Variants in FGD5 observed in about 807,000 individuals in gnomAD.
FGD5 encodes FYVE, RhoGEF and PH domain-containing protein 5.
A neutral mutation model predicts 133.4 loss-of-function variants in FGD5; 28 were observed. That is an observed-to-expected ratio of 0.21 (90% CI 0.16 to 0.29). The LOEUF is 0.29. Ranked by LOEUF, FGD5 falls within the 10% of genes least tolerant of loss-of-function variation. The pLI, the probability that FGD5 is intolerant of heterozygous loss-of-function variation, is 1.00. For synonymous variants in FGD5, 810 were observed against 776.5 expected, an observed-to-expected ratio of 1.04 and a Z score of -0.72; for missense variants, 1,858 against 1,895.2, an observed-to-expected ratio of 0.98 and a Z score of 0.36.
chr3:14,893,733 T>C (rs749085741), intron 4 of FGD5, among the ~76,000 whole-genome samples: 2 of 148,586 alleles, frequency 1.3e-5, no homozygotes, highest in Non-Finnish European at 1.5e-5. Flanking sequence ...CTTATTTCTT[T>C]TTCTTTCTTT....
At chr3:14,843,135 T>G (rs1445185447) in intron 1 of FGD5, among the ~76,000 whole-genome samples, 1 of 152,226 alleles carries the variant, frequency 6.6e-6, no homozygotes, top group Non-Finnish European at 1.5e-5. Flanking sequence ...TTTCTCATGT[T>G]TGACATTTTG....
chr3:14,932,858 A>G, intron 19 of FGD5, 127 bp downstream of exon 19: 1 of 1,068,806 alleles, frequency 9.4e-7, no homozygotes, highest in Non-Finnish European at 1.4e-6. Context: ...GGGCCATAGC[A>G]GAACTGCAGA....
rs2038940683 is a variant in FGD5, at chr3:14,933,973, C to T, written c.*806C>T. The stretch of plus-strand genomic sequence containing the variant: ...ATGCAGCCACTGGCAGATCTGGCCC[C>T]CCAGACGTCACCGCAGGGCCTCTGA... On this transcript the variant is annotated 3_prime_UTR_variant, in exon 20 of 20. Transcript: ENST00000285046. 6.6e-6 allele frequency: 1 copy of T among 152,304 alleles called. No homozygotes were observed. The highest frequency in any genetic ancestry group is 1.5e-5 in the Non-Finnish European group (1 of 68,092). The allele number at this position is 152,304 out of a possible 1,614,324, so 9.4% of individuals were successfully genotyped here. A position where few individuals can be genotyped will look rare whatever the true frequency, so the allele number is the denominator to read the frequency against.
intron 1 of FGD5, among the ~76,000 whole-genome samples, chr3:14,850,575 G>A (rs1289738145): frequency 1.3e-5 from 2 of 152,150 alleles, no homozygotes; most frequent in Non-Finnish European, 2.9e-5. Flanking sequence ...GGGGAAACTG[G>A]GATAGGACAG....
intron 2 of FGD5, among the ~76,000 whole-genome samples, chr3:14,877,158 A>T (rs899756012): frequency 7.2e-5 from 11 of 152,236 alleles, no homozygotes; most frequent in Non-Finnish European, 1.5e-4. Context: ...TCAGCCTCGG[A>T]GTTCATTTCC....
At chr3:14,878,105 G>A (rs1204233106) in intron 2 of FGD5, among the ~76,000 whole-genome samples, 2 of 152,178 alleles carry the variant, frequency 1.3e-5, no homozygotes, top group Admixed American at 6.5e-5. Context: ...AAATACAAAT[G>A]AAAAGATCTG....
chr3:14,838,777 C>G (rs1158920876), intron 1 of FGD5, among the ~76,000 whole-genome samples: 1 of 152,150 alleles, frequency 6.6e-6, no homozygotes, highest in African/African-American at 2.4e-5. Flanking sequence ...ACTTCCAGTC[C>G]AAACAGGGAG....
chr3:14,819,624 G>C lies in FGD5; in HGVS notation c.553G>C (p.Ala185Pro), dbSNP rs566362125. 1 of 1,551,226 alleles carries C rather than the reference G, an allele frequency of 6.4e-7. No homozygotes were observed. Among genetic ancestry groups the C allele is most frequent in the Admixed American group, 2.0e-5 (1 of 50,982 alleles). Residue 185 changes from alanine to proline, a missense_variant, in exon 1 of 20, where the codon GCT becomes CCT. Transcript: ENST00000285046. The surrounding 1 kb of genome is among the most constrained non-coding windows in gnomAD (Gnocchi z 4.1). ...CAGCCTGGAGGACAGTGGGCCTTGG[G>C]CTGGAGAGGGGGTCTTCCAGAGCGA... is the stretch of plus-strand genomic sequence containing the variant. The part of the protein sequence containing the change: ...ECSLEDSGPW[A>P]GEGVFQSDLL...
chr3:14,819,899 G>A lies in FGD5; in HGVS notation c.828G>A (p.Glu276=). The A allele has an allele frequency of 6.2e-7, 1 of 1,613,700 alleles. No homozygotes were observed. Among genetic ancestry groups the A allele is most frequent in the East Asian group, 2.2e-5 (1 of 44,872 alleles). ...CCACAGACTGCCCTGAAGTTCTTGA[G>A]GAGGGATGTGAAGAGGCCACGGGTG... The part of the protein sequence containing the change: ...ETATDCPEVL[E]EGCEEATGVT... Residue 276 remains glutamate (E), a synonymous_variant, in exon 1 of 20, where the codon GAG becomes GAA. Coordinates refer to ENST00000285046, the MANE Select transcript of FGD5 (RefSeq NM_152536.4). The surrounding 1 kb of genome is among the most constrained non-coding windows in gnomAD (Gnocchi z 4.1).
Position 14,819,332 on chromosome 3 carries a change from A to G in FGD5, c.261A>G (p.Lys87=). Residue 87 remains lysine, a synonymous_variant, in exon 1 of 20, where the codon AAA becomes AAG. Coordinates refer to ENST00000285046, the MANE Select transcript of FGD5 (RefSeq NM_152536.4). This position sits in a 1 kb window ranked among gnomAD's most constrained non-coding sequence, Gnocchi z 4.1. The part of the protein sequence containing the change: ...EPKDEGSVGN[K]ALVSPESSAE... ...AGGACGAGGGCAGTGTGGGGAACAAAGCCCTGGTGTCTCCCGAGTCCTCTG... is the reference window on the plus strand; with the variant it reads ...AGGACGAGGGCAGTGTGGGGAACAAGGCCCTGGTGTCTCCCGAGTCCTCTG... 6.5e-7 allele frequency: 1 copy of G among 1,543,098 alleles called. No homozygotes were observed. The highest frequency in any genetic ancestry group is 8.8e-7 in the Non-Finnish European group (1 of 1,142,854).
At chr3:14,857,298 T>C (rs1005807310) in intron 1 of FGD5, among the ~76,000 whole-genome samples, 3 of 152,048 alleles carry the variant, frequency 2.0e-5, no homozygotes. Context: ...CTAATAGCTA[T>C]AGGGATGAGC....
Position 14,819,530 on chromosome 3 carries a change from G to A in FGD5, c.459G>A (p.Glu153=). 3.2e-6 allele frequency: 5 copies of A among 1,551,500 alleles called. No individual in the cohort carries two copies. Among genetic ancestry groups the A allele is most frequent in the Non-Finnish European group, 4.4e-6 (5 of 1,146,986 alleles). The change falls in exon 1 of 20, where the codon GAG becomes GAA. Residue 153 remains glutamate, a synonymous_variant. Coordinates refer to ENST00000285046, the MANE Select transcript of FGD5 (RefSeq NM_152536.4). The surrounding 1 kb of genome is among the most constrained non-coding windows in gnomAD (Gnocchi z 4.1). The part of the protein sequence containing the change: ...LEDEGEGCAD[E]PGTLEQVSRS... ...ATGAAGGGGAGGGCTGCGCTGATGA[G>A]CCAGGGACACTGGAGCAGGTGTCCA...
intron 2 of FGD5, among the ~76,000 whole-genome samples, chr3:14,865,955 T>G (rs2037485832): frequency 6.6e-6 from 1 of 152,158 alleles, no homozygotes; most frequent in South Asian, 2.1e-4. Flanking sequence ...GGTCATGGAA[T>G]CTGGGAGCAG....
chr3:14,867,403 A>G (rs1317675993), intron 2 of FGD5, among the ~76,000 whole-genome samples: 1 of 152,220 alleles, frequency 6.6e-6, no homozygotes, highest in Non-Finnish European at 1.5e-5. Flanking sequence ...TCACTGCAGT[A>G]TTCTTACAGT....
At chr3:14,830,160 A>G (rs2125076340) in intron 1 of FGD5, among the ~76,000 whole-genome samples, 1 of 152,316 alleles carries the variant, frequency 6.6e-6, no homozygotes, top group East Asian at 1.9e-4. Context: ...GTTTTTGACA[A>G]ATGAACTCAT....
rs1347624059 is a variant in FGD5 at position 14,924,122 on chromosome 3, C to T, written c.4052C>T (p.Pro1351Leu). The change falls in exon 17 of 20, where the codon CCT becomes CTT. Residue 1351 changes from proline to leucine, a missense_variant. Physicochemically the swap from Pro to Leu is moderately conservative, Grantham distance 98. Coordinates refer to ENST00000285046, the MANE Select transcript of FGD5 (RefSeq NM_152536.4). ...ACCTTCAAGAAGCAGAAGAAAGTCCCTTCAGCCCTGACAGAGGTAAAGCAG... is the reference window on the plus strand; with the variant it reads ...ACCTTCAAGAAGCAGAAGAAAGTCCTTTCAGCCCTGACAGAGGTAAAGCAG... ...PSTFKKQKKV[P>L]SALTEVAASG... The T allele has an allele frequency of 6.2e-7, 1 of 1,613,824 alleles. No homozygotes were observed. The highest frequency in any genetic ancestry group is 8.5e-7 in the Non-Finnish European group (1 of 1,179,886).
chr3:14,870,520 C>G (rs563906851), intron 2 of FGD5, among the ~76,000 whole-genome samples: 3 of 152,228 alleles, frequency 2.0e-5, no homozygotes, highest in Non-Finnish European at 4.4e-5. Context: ...ATCCTCTTCC[C>G]TGGGCTTGCC....
At chr3:14,880,951 C>G (rs966971363) in intron 4 of FGD5, among the ~76,000 whole-genome samples, 179 bp downstream of exon 4, 3 of 152,182 alleles carry the variant, frequency 2.0e-5, no homozygotes, top group Non-Finnish European at 4.4e-5. Flanking sequence ...CTTCCGGGGG[C>G]AGACAGCGGA....
In FGD5 at chr3:14,918,965, G is replaced by A. The variant is rs372147735; in HGVS notation, c.3569+132G>A. 5.2e-6 allele frequency: 5 copies of A among 960,576 alleles called. No homozygotes were observed. The South Asian group carries it at 6.8e-5, about 13-fold the overall frequency. The allele number at this position is 960,576 out of a possible 1,614,324, so 59.5% of individuals were successfully genotyped here. ...GTCAAAGTATCCTTCTGGGTCAAAG[G>A]ACTTTTTTTCTTTTCAGTGTTTCTT... is the stretch of plus-strand genomic sequence containing the variant. On this transcript the variant is annotated intron_variant, in intron 13 of 19. Transcript: ENST00000285046.
Sources: allele counts gnomAD v4.1 joint callset (sites outside exome capture counted in the v4.1 genomes callset), GRCh38; gene constraint gnomAD v4.1.1; non-coding constraint Gnocchi (gnomAD v3.1); transcripts MANE v1.5; gene names NCBI Gene and HGNC (gene_info 2026-07-23, HGNC 2026-07-21).